Variants in IL20RA observed in about 807,000 individuals in gnomAD.
IL20RA encodes interleukin-20 receptor subunit alpha.
IL20RA carries 29 observed loss-of-function variants against 36.5 expected under a neutral mutation model. The ratio of observed to expected loss-of-function variants is 0.79; its 90% CI spans 0.59 to 1.08. IL20RA has a LOEUF of 1.08. Ranked by LOEUF, IL20RA falls within the 50% of genes least tolerant of loss-of-function variation. The probability of loss-of-function intolerance (pLI) is 0.00; values close to 1 mark genes in which losing one functional copy is unlikely to be tolerated. For missense variants in IL20RA, 652 were observed against 668.4 expected, an observed-to-expected ratio of 0.98 and a Z score of 0.27; for synonymous variants, 279 against 267.1, an observed-to-expected ratio of 1.04 and a Z score of -0.43.
At chr6:137,038,406 T>G (rs924486285) in intron 1 of IL20RA, among the ~76,000 whole-genome samples, 2 of 151,684 alleles carry the variant, frequency 1.3e-5, no homozygotes, top group Non-Finnish European at 2.9e-5. Context: ...GGGTCTCTCC[T>G]GGCTGCTCTC....
chr6:137,025,733 T>C (rs138677923), intron 1 of IL20RA, among the ~76,000 whole-genome samples: 1 of 152,356 alleles, frequency 6.6e-6, no homozygotes, highest in African/African-American at 2.4e-5. Flanking sequence ...GCAAAATGGT[T>C]TGTGACCATT....
At chr6:137,019,925 C>T (rs1285808938) in intron 1 of IL20RA, among the ~76,000 whole-genome samples, 1 of 152,200 alleles carries the variant, frequency 6.6e-6, no homozygotes, top group Non-Finnish European at 1.5e-5. Flanking sequence ...TGGTAGCTGG[C>T]CTCCAATAAT....
chr6:137,002,833 G>A (rs1458656644), intron 6 of IL20RA, among the ~76,000 whole-genome samples: 3 of 152,184 alleles, frequency 2.0e-5, no homozygotes, highest in Non-Finnish European at 4.4e-5. Context: ...ATGCAGACAG[G>A]CATGAGAACT....
intron 1 of IL20RA, among the ~76,000 whole-genome samples, chr6:137,021,549 G>A (rs1775907880): frequency 6.6e-6 from 1 of 151,516 alleles, no homozygotes; most frequent in Non-Finnish European, 1.5e-5. Flanking sequence ...CATGGTGGTG[G>A]GCACCTGTAG....
chr6:137,029,699 G>A (rs924889639), intron 1 of IL20RA, among the ~76,000 whole-genome samples: 1 of 152,096 alleles, frequency 6.6e-6, no homozygotes, highest in Non-Finnish European at 1.5e-5. Flanking sequence ...AAAGAACATG[G>A]TCAAAGACAA....
chr6:137,030,335 C>T (rs1410957082), intron 1 of IL20RA, among the ~76,000 whole-genome samples: 1 of 152,076 alleles, frequency 6.6e-6, no homozygotes, highest in Non-Finnish European at 1.5e-5. Context: ...ATCCTCCTAC[C>T]TCAACCACCC....
Position 137,001,363 on chromosome 6 carries a change from C to T in IL20RA, c.*195G>A, listed in dbSNP as rs568663769. 20 of 471,560 alleles carry T rather than the reference C, an allele frequency of 4.2e-5. No homozygotes were observed. Among genetic ancestry groups the T allele is most frequent in the African/African-American group, 3.0e-4 (15 of 50,572 alleles). The allele number at this position is 471,560 out of a possible 1,614,324, so 29.2% of individuals were successfully genotyped here. On this transcript the variant is annotated 3_prime_UTR_variant, in exon 7 of 7. Transcript: ENST00000316649. ...CCAGCCCCTGGACTCCAGAGGCCCA[C>T]CATCATTGTTAAGAGACCTACATGC...
At position 137,008,609 on chromosome 6, in the gene IL20RA, C is replaced by T. The variant is rs755879197; in HGVS notation, c.714G>A (p.Arg238=). The T allele has an allele frequency of 1.3e-6, 2 of 1,598,722 alleles. No individual in the cohort carries two copies. The highest frequency in any genetic ancestry group is 1.7e-5 in the Admixed American group (1 of 57,910). Residue 238 remains arginine (R), a synonymous_variant, in exon 5 of 7, where the codon AGG becomes AGA. Transcript: ENST00000316649. ...RAQPSEKQCA[R]TLKDQSSEFK... is the part of the protein sequence containing the mutation. ...TTTTTTAAAGCTTACCTTTCAAAGT[C>T]CTGGCACACTGCTTCTCAGAAGGCT...
intron 1 of IL20RA, among the ~76,000 whole-genome samples, chr6:137,027,007 G>A (rs1253773869): frequency 6.6e-6 from 1 of 151,932 alleles, no homozygotes. Context: ...TCAGCCTCCT[G>A]AGTAGCTGGG....
intron 5 of IL20RA, among the ~76,000 whole-genome samples, chr6:137,007,472 G>A (rs188524663): frequency 1.1e-3 from 160 of 152,280 alleles, no homozygotes; most frequent in African/African-American, 3.2e-3. Context: ...GGAGGTCGTC[G>A]GCCTCTGTCT....
At chr6:137,013,128 T>G (rs1322391) in intron 2 of IL20RA, among the ~76,000 whole-genome samples, 1 of 152,248 alleles carries the variant, frequency 6.6e-6, no homozygotes, top group Non-Finnish European at 1.5e-5. Flanking sequence ...TATTTTTCAT[T>G]CCAGTCCATT....
At chr6:137,009,881 G>T (rs919604635) in intron 3 of IL20RA, among the ~76,000 whole-genome samples, 1 of 152,092 alleles carries the variant, frequency 6.6e-6, no homozygotes, top group African/African-American at 2.4e-5. Context: ...TGGGATTACA[G>T]GCATGAGCCA....
At position 137,001,896 on chromosome 6, in the gene IL20RA, C is replaced by G; in HGVS notation, c.1324G>C (p.Gly442Arg). 1 of 1,613,856 alleles carries G rather than the reference C, an allele frequency of 6.2e-7. No homozygotes were observed. The highest frequency in any genetic ancestry group is 8.5e-7 in the Non-Finnish European group (1 of 1,179,934). Residue 442 changes from glycine (G) to arginine (R), a missense_variant, in exon 7 of 7, where the codon GGC becomes CGC. Transcript: ENST00000316649. ...LESQAALAVL[G>R]PQTLQYSYTP... ...TATGAGTACTGTAACGTTTGCGGGC[C>G]CAAGACTGCCAACGCTGCCTGCGAC...
At chr6:137,010,375 C>T (rs1240473498) in intron 3 of IL20RA, among the ~76,000 whole-genome samples, 1 of 152,226 alleles carries the variant, frequency 6.6e-6, no homozygotes, top group Non-Finnish European at 1.5e-5. Context: ...TATGAATAGA[C>T]ATCAACATTT....
At chr6:137,037,070 A>T (rs2115424581) in intron 1 of IL20RA, among the ~76,000 whole-genome samples, 1 of 152,288 alleles carries the variant, frequency 6.6e-6, no homozygotes, top group South Asian at 2.1e-4. Flanking sequence ...ATGTAGCTGT[A>T]TGGAATGGAA....
chr6:137,005,165 T>C (rs1342597278), intron 5 of IL20RA, among the ~76,000 whole-genome samples: 1 of 152,226 alleles, frequency 6.6e-6, no homozygotes, highest in Non-Finnish European at 1.5e-5. Flanking sequence ...GAAGATCCCA[T>C]TGAATTGCTC....
chr6:137,017,710 A>C (rs1479422083), intron 1 of IL20RA, among the ~76,000 whole-genome samples: 1 of 152,134 alleles, frequency 6.6e-6, no homozygotes. Flanking sequence ...GCCTTTACTA[A>C]AGAATATAGT....
At chr6:137,019,130 C>CT (rs33960934) in intron 1 of IL20RA, among the ~76,000 whole-genome samples, 20 of 140,764 alleles carry the variant, frequency 1.4e-4, no homozygotes, top group African/African-American at 5.1e-4. Context: ...TTCTATTTAT[C>CT]TTTTTTTTTT....
In IL20RA at chr6:137,044,204, G is replaced by A. The variant is rs548674714; in HGVS notation, c.88+437C>T. The stretch of plus-strand genomic sequence containing the variant: ...CGCGGCTTGCAGGACTGCGGGGCCC[G>A]GCGGCCGAGACGCGGCATCCACAGG... On this transcript the variant is annotated intron_variant, in intron 1 of 6. Transcript: ENST00000316649. The A allele has an allele frequency of 1.6e-5, 16 of 987,190 alleles. No individual in the cohort carries two copies. In the South Asian group the frequency reaches 2.3e-4, roughly 14 times the overall value. The allele number at this position is 987,190 out of a possible 1,614,324, so 61.2% of individuals were successfully genotyped here.
Sources: gnomAD v4.1 joint callset for allele counts (sites outside exome capture counted in the v4.1 genomes callset) on GRCh38, gnomAD v4.1.1 for gene constraint, MANE v1.5 for transcripts, NCBI Gene and HGNC (gene_info 2026-07-23, HGNC 2026-07-21) for gene names.